The following PCGF5 variants were observed in gnomAD, a reference collection of about 807,000 sequenced individuals.
The protein encoded by PCGF5 is polycomb group RING finger protein 5.
In PCGF5, 9 loss-of-function variants were observed where a neutral mutation model predicts 44.3. The observed-to-expected ratio is 0.20, with a 90% CI of 0.12 to 0.35. The LOEUF is 0.35. Among genes scored for constraint, PCGF5 ranks in the 10% least tolerant of loss-of-function variants. PCGF5 has a pLI of 1.00. For synonymous variants in PCGF5, 95 were observed against 102.5 expected (o/e 0.93, Z 0.44); for missense variants, 146 against 305.3 (o/e 0.48, Z 3.89).
chr10:91,254,969 C>G (rs1009677479), intron 6 of PCGF5, among the ~76,000 whole-genome samples: 1 of 152,054 alleles, frequency 6.6e-6, no homozygotes, highest in African/African-American at 2.4e-5. Context: ...TCTGCAGTAG[C>G]CTTGAAAATA....
At chr10:91,255,884 G>T (rs750359163) in intron 6 of PCGF5, among the ~76,000 whole-genome samples, 2 of 151,976 alleles carry the variant, frequency 1.3e-5, no homozygotes, top group Admixed American at 6.6e-5. Flanking sequence ...TGCACGTAAC[G>T]TATGCACAAC....
intron 1 of PCGF5, among the ~76,000 whole-genome samples, chr10:91,182,379 G>A (rs1446114226): frequency 6.6e-6 from 1 of 152,094 alleles, no homozygotes; most frequent in African/African-American, 2.4e-5. Context: ...ATGGTTGTTT[G>A]TATTTCTGTG....
chr10:91,189,198 T>G (rs150841393), intron 1 of PCGF5, among the ~76,000 whole-genome samples: 2 of 152,356 alleles, frequency 1.3e-5, no homozygotes, highest in Non-Finnish European at 2.9e-5. Context: ...TGGCAAAATC[T>G]TCTTTTACAA....
At chr10:91,192,613 C>T (rs539769642) in intron 1 of PCGF5, among the ~76,000 whole-genome samples, 1 of 152,268 alleles carries the variant, frequency 6.6e-6, no homozygotes, top group African/African-American at 2.4e-5. Context: ...TTTGGAATAT[C>T]AATAAACAAA....
chr10:91,261,479 A>G, intron 7 of PCGF5, 55 bp downstream of exon 7: 1 of 1,350,278 alleles, frequency 7.4e-7, no homozygotes, highest in Non-Finnish European at 9.7e-7. Context: ...TTTGAAGTAA[A>G]ATTCTAACAA....
intron 1 of PCGF5, among the ~76,000 whole-genome samples, chr10:91,176,092 G>T (rs1386186720): frequency 2.0e-5 from 3 of 152,150 alleles, no homozygotes; most frequent in South Asian, 4.1e-4. Context: ...AGGAGCTCTT[G>T]TAGGGCAGGC....
chr10:91,200,312 C>T (rs1296280565), intron 1 of PCGF5, among the ~76,000 whole-genome samples: 1 of 152,220 alleles, frequency 6.6e-6, no homozygotes, highest in Non-Finnish European at 1.5e-5. Flanking sequence ...GGTATCCTGA[C>T]TACTGACCAG....
At chr10:91,206,346 A>G (rs571630935) in intron 1 of PCGF5, among the ~76,000 whole-genome samples, 1 of 152,178 alleles carries the variant, frequency 6.6e-6, no homozygotes, top group East Asian at 1.9e-4. Flanking sequence ...TATAAATAAG[A>G]CTCTTCAACA....
chr10:91,186,542 G>GTGTA (rs1195435941), intron 1 of PCGF5, among the ~76,000 whole-genome samples: 2 of 147,804 alleles, frequency 1.4e-5, no homozygotes, highest in African/African-American at 4.9e-5. Context: ...GTGTGTGTGT[G>GTGTA]TATATATATA....
At chr10:91,232,094 G>C (rs1845023184) in intron 2 of PCGF5, among the ~76,000 whole-genome samples, 1 of 152,202 alleles carries the variant, frequency 6.6e-6, no homozygotes, top group African/African-American at 2.4e-5. Flanking sequence ...AGTGAGATAG[G>C]AGGACAATGG....
intron 1 of PCGF5, among the ~76,000 whole-genome samples, chr10:91,192,433 G>GA (rs1844050098): frequency 1.3e-5 from 2 of 152,142 alleles, no homozygotes; most frequent in South Asian, 4.1e-4. Flanking sequence ...ACAGCCATGG[G>GA]AAAATATTAA....
chr10:91,167,835 G>A (rs1843526397), intron 1 of PCGF5, among the ~76,000 whole-genome samples: 1 of 152,194 alleles, frequency 6.6e-6, no homozygotes, highest in Non-Finnish European at 1.5e-5. Context: ...CTCCAGAAGA[G>A]AAATGATGAG....
intron 1 of PCGF5, among the ~76,000 whole-genome samples, chr10:91,182,598 TC>T (rs1843842348): frequency 6.6e-6 from 1 of 152,196 alleles, no homozygotes. Flanking sequence ...TGGGATTTGT[TC>T]CCTCTTGGTT....
chr10:91,212,894 T>A (rs963291571), intron 1 of PCGF5, among the ~76,000 whole-genome samples: 2 of 152,246 alleles, frequency 1.3e-5, no homozygotes, highest in African/African-American at 4.8e-5. Context: ...TAAGTTGTGC[T>A]TCAGACTCAT....
chr10:91,268,014 C>A (rs1323051999), intron 8 of PCGF5, among the ~76,000 whole-genome samples: 1 of 152,080 alleles, frequency 6.6e-6, no homozygotes, highest in Non-Finnish European at 1.5e-5. Context: ...GTTTTTAAAT[C>A]AGAAATACAA....
At chr10:91,256,539 A>G (rs890083853) in intron 6 of PCGF5, among the ~76,000 whole-genome samples, 1 of 152,130 alleles carries the variant, frequency 6.6e-6, no homozygotes, top group South Asian at 2.1e-4. Context: ...TGAAGAAATA[A>G]TGGCCCCTAA....
At chr10:91,187,296 CT>C (rs1214581341) in intron 1 of PCGF5, among the ~76,000 whole-genome samples, 1 of 152,098 alleles carries the variant, frequency 6.6e-6, no homozygotes, top group Non-Finnish European at 1.5e-5. Context: ...TTGGGAACCA[CT>C]GTTACAAGCT....
intron 1 of PCGF5, among the ~76,000 whole-genome samples, chr10:91,174,542 A>G (rs187734296): frequency 9.1e-4 from 139 of 152,318 alleles, no homozygotes; most frequent in African/African-American, 3.1e-3. Flanking sequence ...GTTTGATTAT[A>G]ATCTACTGTA....
intron 1 of PCGF5, among the ~76,000 whole-genome samples, chr10:91,214,042 C>T (rs1217379858): frequency 6.6e-6 from 1 of 152,142 alleles, no homozygotes; most frequent in Non-Finnish European, 1.5e-5. Flanking sequence ...TGGCTCATAT[C>T]TGTAATCCCA....
Sources: gnomAD v4.1 joint callset for allele counts (sites outside exome capture counted in the v4.1 genomes callset) on GRCh38, gnomAD v4.1.1 for gene constraint, MANE v1.5 for transcripts, NCBI Gene and HGNC (gene_info 2026-07-23, HGNC 2026-07-21) for gene names.